The following OCA2 variants were observed in gnomAD, a reference collection of about 807,000 sequenced individuals.
OCA2 encodes P protein.
A neutral mutation model predicts 100.2 loss-of-function variants in OCA2; 77 were observed. That is an observed-to-expected ratio of 0.77 (90% CI 0.64 to 0.93). OCA2 has a LOEUF of 0.93. Ranked by LOEUF, OCA2 falls within the 40% of genes least tolerant of loss-of-function variation. The pLI, the probability that OCA2 is intolerant of heterozygous loss-of-function variation, is 0.00. For synonymous variants in OCA2, 432 were observed against 439.2 expected (o/e 0.98, Z 0.21); for missense variants, 1,062 against 1,089.1 (o/e 0.98, Z 0.35).
At chr15:27,780,082 A>C (rs7182123) in intron 23 of OCA2, among the ~76,000 whole-genome samples, 3 of 152,190 alleles carry the variant, frequency 2.0e-5, no homozygotes, top group African/African-American at 7.2e-5. Context: ...CTGAAAGCAG[A>C]GTTCTCTCAA....
chr15:27,757,996 G>C (rs1355961929), intron 23 of OCA2, among the ~76,000 whole-genome samples: 1 of 152,202 alleles, frequency 6.6e-6, no homozygotes, highest in Non-Finnish European at 1.5e-5. Flanking sequence ...CAGGCTTCTA[G>C]TTCTCAAGCA....
chr15:28,068,166 C>G (rs1029077537), intron 2 of OCA2, among the ~76,000 whole-genome samples: 1 of 151,980 alleles, frequency 6.6e-6, no homozygotes, highest in Non-Finnish European at 1.5e-5. Context: ...TTTTTAATTT[C>G]CATTTGCATG....
At chr15:27,815,799 C>T (rs1474597500) in intron 23 of OCA2, among the ~76,000 whole-genome samples, 1 of 152,192 alleles carries the variant, frequency 6.6e-6, no homozygotes, top group Admixed American at 6.5e-5. Context: ...TGCAGAATAG[C>T]ACACACAGTG....
chr15:27,936,018 C>T (rs2039438768), intron 18 of OCA2, among the ~76,000 whole-genome samples: 1 of 152,180 alleles, frequency 6.6e-6, no homozygotes, highest in Admixed American at 6.5e-5. Flanking sequence ...ATGGACTGTG[C>T]ATACCATATA....
At chr15:27,731,056 A>G in the OCA2 span, among the ~76,000 whole-genome samples, 1 of 152,214 alleles carries the variant, frequency 6.6e-6, no homozygotes, top group African/African-American at 2.4e-5. Context: ...ATGTAGCCAC[A>G]TAGTAAGCAG....
Position 27,952,458 on chromosome 15 carries a change from G to A in OCA2, c.1843-566C>T, listed in dbSNP as rs560238468. On this transcript the variant is annotated intron_variant, in intron 17 of 23. Transcript: ENST00000354638. ...CCTAGGAGTACCTAGGAGACGGCACGAGACGGGGCTCTCCCTATGAGGCCC... is the reference window on the plus strand; with the variant it reads ...CCTAGGAGTACCTAGGAGACGGCACAAGACGGGGCTCTCCCTATGAGGCCC... Among the ~76,000 whole-genome samples the A allele has an allele frequency of 1.9e-4, 29 of 152,296 alleles. 1 individual carries two copies. Among genetic ancestry groups the A allele is most frequent in the Middle Eastern group, 3.4e-3 (1 of 294 alleles).
At chr15:27,886,227 G>C (rs2037218128) in intron 19 of OCA2, among the ~76,000 whole-genome samples, 2 of 152,198 alleles carry the variant, frequency 1.3e-5, no homozygotes, top group Non-Finnish European at 2.9e-5. Context: ...TGTAAGTCAT[G>C]GTTGAGGCTC....
chr15:27,901,595 C>G (rs925090480), intron 19 of OCA2, among the ~76,000 whole-genome samples: 4 of 152,284 alleles, frequency 2.6e-5, no homozygotes, highest in African/African-American at 9.6e-5. Flanking sequence ...AAGACCCTAC[C>G]TCGCAAGGAG....
intron 19 of OCA2, among the ~76,000 whole-genome samples, chr15:27,914,535 G>A (rs1167864236): frequency 6.6e-6 from 1 of 152,028 alleles, no homozygotes; most frequent in Non-Finnish European, 1.5e-5. Flanking sequence ...AAAATCAATG[G>A]CTGAAAATCA....
intron 9 of OCA2, among the ~76,000 whole-genome samples, chr15:27,997,043 A>G (rs1487812668): frequency 1.3e-5 from 2 of 148,604 alleles, no homozygotes; most frequent in Non-Finnish European, 3.0e-5. Context: ...GAGAGAGAGA[A>G]AGAAGGAAGG....
intron 2 of OCA2, among the ~76,000 whole-genome samples, chr15:28,065,510 G>A (rs1046529382): frequency 6.6e-6 from 1 of 152,220 alleles, no homozygotes; most frequent in South Asian, 2.1e-4. Flanking sequence ...ATCCTTCAGT[G>A]AGCCCACAGA....
At position 28,032,146 on chromosome 15, in the gene OCA2, G is replaced by A; in HGVS notation, c.245C>T (p.Pro82Leu). ...LTKGRSHSSL[P>L]QMSSSRSKDS... ...TTTAGACCTGGAGCTGGACATCTGG[G>A]GCAAAGAAGAGTGAGACCTGAAAGA... Residue 82 changes from proline (P) to leucine (L), a missense_variant, in exon 3 of 24, where the codon CCC becomes CTC. Pro to Leu is a moderately conservative substitution (Grantham distance 98). Coordinates refer to ENST00000354638, the MANE Select transcript of OCA2 (RefSeq NM_000275.3). The A allele has an allele frequency of 6.2e-7, 1 of 1,613,650 alleles. No homozygotes were observed. Among genetic ancestry groups the A allele is most frequent in the Non-Finnish European group, 8.5e-7 (1 of 1,179,612 alleles).
the OCA2 span, among the ~76,000 whole-genome samples, chr15:27,740,250 G>A: frequency 6.6e-6 from 1 of 152,178 alleles, no homozygotes; most frequent in African/African-American, 2.4e-5. Flanking sequence ...CTGTGCTTGG[G>A]TGTGACTCCC....
At chr15:28,007,415 T>C (rs1290639000) in intron 9 of OCA2, among the ~76,000 whole-genome samples, 1 of 152,202 alleles carries the variant, frequency 6.6e-6, no homozygotes, top group African/African-American at 2.4e-5. Context: ...CTGTGTTCTT[T>C]GGGACTTTCA....
chr15:27,847,918 C>G (rs1015301154), intron 22 of OCA2, among the ~76,000 whole-genome samples: 2 of 152,204 alleles, frequency 1.3e-5, no homozygotes, highest in Non-Finnish European at 2.9e-5. Context: ...CTCTGTGGCG[C>G]CGTCAGGACC....
intron 14 of OCA2, among the ~76,000 whole-genome samples, chr15:27,968,346 G>A (rs2040650454): frequency 7.1e-6 from 1 of 141,510 alleles, no homozygotes; most frequent in Non-Finnish European, 1.6e-5. Flanking sequence ...CGACCATGGG[G>A]AATGACAGGG....
At chr15:27,765,512 G>C (rs1176096711) in intron 23 of OCA2, among the ~76,000 whole-genome samples, 1 of 152,172 alleles carries the variant, frequency 6.6e-6, no homozygotes, top group African/African-American at 2.4e-5. Context: ...TGAGGCTCCA[G>C]AGGAAGGTTT....
chr15:27,737,441 G>A, the OCA2 span, among the ~76,000 whole-genome samples: 4 of 152,104 alleles, frequency 2.6e-5, no homozygotes, highest in South Asian at 2.1e-4. Context: ...AGGGAGTGTC[G>A]GTTTGAGGAT....
intron 19 of OCA2, among the ~76,000 whole-genome samples, chr15:27,905,135 G>T (rs1292915361): frequency 7.1e-6 from 1 of 140,022 alleles, no homozygotes; most frequent in African/African-American, 2.7e-5. Context: ...CTGCACTCCA[G>T]CCTGGGCAAC....
Sources: gnomAD v4.1 joint callset for allele counts (sites outside exome capture counted in the v4.1 genomes callset) on GRCh38, gnomAD v4.1.1 for gene constraint, MANE v1.5 for transcripts, NCBI Gene and HGNC (gene_info 2026-07-23, HGNC 2026-07-21) for gene names.